The following WNT9B variants were observed in gnomAD, a reference collection of about 807,000 sequenced individuals.
The protein encoded by WNT9B is protein Wnt-9b.
Under a neutral mutation model 30.2 loss-of-function variants are expected in WNT9B, and 12 were observed. The observed-to-expected ratio is 0.40, with a 90% CI of 0.26 to 0.64. WNT9B has a LOEUF of 0.64. Among genes scored for constraint, WNT9B ranks in the 30% least tolerant of loss-of-function variants. The pLI, the probability that WNT9B is intolerant of heterozygous loss-of-function variation, is 0.42. For missense variants in WNT9B, 442 were observed against 485.2 expected (o/e 0.91, Z 0.84); for synonymous variants, 218 against 216.9 (o/e 1.01, Z -0.05).
intron 1 of WNT9B, among the ~76,000 whole-genome samples, chr17:46,861,268 T>G (rs573663417): frequency 6.6e-6 from 1 of 152,344 alleles, no homozygotes; most frequent in South Asian, 2.1e-4. Context: ...TGCTCAGGTC[T>G]TCAATTCACT....
At chr17:46,841,672 G>A (rs2084715399) in intron 1 of WNT9B, among the ~76,000 whole-genome samples, 1 of 152,178 alleles carries the variant, frequency 6.6e-6, no homozygotes, top group Non-Finnish European at 1.5e-5. Context: ...GGGGCTGGCC[G>A]GGAGCAGGAC....
intron 2 of WNT9B, among the ~76,000 whole-genome samples, chr17:46,874,384 A>G (rs1464068173): frequency 6.6e-6 from 1 of 152,156 alleles, no homozygotes; most frequent in Non-Finnish European, 1.5e-5. Flanking sequence ...CCAAATGGTC[A>G]TACACCGACC....
At chr17:46,870,904 C>CTTTTT (rs144277402) in intron 1 of WNT9B, among the ~76,000 whole-genome samples, 68 of 78,344 alleles carry the variant, frequency 8.7e-4, no homozygotes, top group East Asian at 1.4e-3. Flanking sequence ...TCCACCTTTG[C>CTTTTT]TTTTTTTTTT....
At chr17:46,842,611 G>A (rs1328737084) in intron 1 of WNT9B, among the ~76,000 whole-genome samples, 1 of 152,132 alleles carries the variant, frequency 6.6e-6, no homozygotes, top group Non-Finnish European at 1.5e-5. Flanking sequence ...GGGCTCAAGT[G>A]ATCCTCCCAT....
chr17:46,885,711 A>C (rs2085481044), exon 5 of WNT9B: 1 of 152,248 alleles, frequency 6.6e-6, no homozygotes, highest in Admixed American at 6.5e-5. Context: ...CTTGTTCTCC[A>C]TACTGTTTAC....
chr17:46,871,303 C>T (rs2085239820), intron 1 of WNT9B, among the ~76,000 whole-genome samples: 1 of 152,180 alleles, frequency 6.6e-6, no homozygotes, highest in South Asian at 2.1e-4. Flanking sequence ...ATTCCACCCA[C>T]ACTGGGGGCA....
rs190563882 is a variant in WNT9B at position 46,856,478 on chromosome 17, C to T, written c.77+4763C>T. The stretch of plus-strand genomic sequence containing the variant: ...GTTGTTATATACAATGAAATGCATG[C>T]TTTTTCTTTCTTTTTTTTTTTTTTG... On this transcript the variant is annotated intron_variant, in intron 1 of 3. Transcript: ENST00000290015. Among the ~76,000 whole-genome samples, 1,058 of 151,088 alleles carry T rather than the reference C, an allele frequency of 7.0e-3. 8 individuals are homozygous for T. The highest frequency in any genetic ancestry group is 8.0e-3 in the Non-Finnish European group (543 of 67,830).
chr17:46,848,767 G>T (rs567374295), upstream of WNT9B, among the ~76,000 whole-genome samples: 4 of 152,342 alleles, frequency 2.6e-5, no homozygotes, highest in East Asian at 5.8e-4. Flanking sequence ...CTAGGGCTGG[G>T]CTCAATTCCT....
Position 46,875,245 on chromosome 17 carries a change from G to A in WNT9B, c.479G>A (p.Gly160Asp). 1 of 1,614,194 alleles carries A rather than the reference G, an allele frequency of 6.2e-7. No individual in the cohort carries two copies. Reference sequence around the variant, plus strand: ...GAGAGCCGGCAGGCCTGGCAGTGGGGCGTGTGCGGTGACAACCTCAAGTAC... The same window carrying A: ...GAGAGCCGGCAGGCCTGGCAGTGGGACGTGTGCGGTGACAACCTCAAGTAC... ...GLESRQAWQW[G>D]VCGDNLKYST... Residue 160 changes from glycine (G) to aspartate (D), a missense_variant, in exon 3 of 4, where the codon GGC becomes GAC. Physicochemically the swap from Gly to Asp is moderately conservative, Grantham distance 94. Coordinates refer to ENST00000290015, the MANE Select transcript of WNT9B (RefSeq NM_003396.3).
At chr17:46,876,012 A>AC (rs1459308527) in intron 3 of WNT9B, among the ~76,000 whole-genome samples, 2 of 152,114 alleles carry the variant, frequency 1.3e-5, no homozygotes, top group Non-Finnish European at 2.9e-5. Flanking sequence ...GTTGGTGTGA[A>AC]CCGGGGCTGC....
Position 46,851,806 on chromosome 17 carries a change from C to T in WNT9B, c.77+91C>T. 1 of 654,936 alleles carries T rather than the reference C, an allele frequency of 1.5e-6. No homozygotes were observed. Among genetic ancestry groups the T allele is most frequent in the Non-Finnish European group, 2.2e-6 (1 of 459,640 alleles). 40.6% of individuals were successfully genotyped at this position (654,936 alleles called of 1,614,324 possible). A position where few individuals can be genotyped will look rare whatever the true frequency, so the allele number is the denominator to read the frequency against. ...TGGGCCAATTTTTCCCTCCCGCTGT[C>T]CTTGGCCCCGCCGAGGTCTCGAACT... On this transcript the variant is annotated intron_variant, in intron 1 of 3. Coordinates refer to ENST00000290015, the MANE Select transcript of WNT9B (RefSeq NM_003396.3). The surrounding 1 kb of genome is among the most constrained non-coding windows in gnomAD (Gnocchi z 4.3).
chr17:46,882,373 G>A (rs956008584), downstream of WNT9B, among the ~76,000 whole-genome samples: 2 of 152,162 alleles, frequency 1.3e-5, no homozygotes, highest in African/African-American at 2.4e-5. Flanking sequence ...TCGTTTCCTT[G>A]TACTTGGATT....
chr17:46,876,294 G>T lies in WNT9B; in HGVS notation c.650G>T (p.Gly217Val). The T allele has an allele frequency of 6.2e-7, 1 of 1,614,122 alleles. No homozygotes were observed. Among genetic ancestry groups the T allele is most frequent in the Non-Finnish European group, 8.5e-7 (1 of 1,179,992 alleles). Residue 217 changes from glycine (G) to valine (V), a missense_variant, in exon 4 of 4, where the codon GGC becomes GTC. Physicochemically the swap from Gly to Val is moderately radical, Grantham distance 109. Coordinates refer to ENST00000290015, the MANE Select transcript of WNT9B (RefSeq NM_003396.3). ...RTTCKCHGVS[G>V]SCAVRTCWKQ... Reference sequence around the variant, plus strand: ...ACGTGTAAGTGCCATGGCGTATCAGGCTCCTGTGCCGTGCGCACCTGCTGG... The same window carrying T: ...ACGTGTAAGTGCCATGGCGTATCAGTCTCCTGTGCCGTGCGCACCTGCTGG...
At chr17:46,844,922 A>T (rs2084757754) in intron 1 of WNT9B, among the ~76,000 whole-genome samples, 1 of 151,648 alleles carries the variant, frequency 6.6e-6, no homozygotes, top group South Asian at 2.1e-4. Context: ...ATCTCTGCTC[A>T]CTGCAACCTC....
At chr17:46,859,995 G>A (rs1342622448) in intron 1 of WNT9B, among the ~76,000 whole-genome samples, 1 of 152,082 alleles carries the variant, frequency 6.6e-6, no homozygotes, top group Admixed American at 6.6e-5. Flanking sequence ...AAATTGAATT[G>A]GGGCCTGAGA....
At position 46,869,189 on chromosome 17, in the gene WNT9B, G is replaced by A. The variant is rs1055656617; in HGVS notation, c.78-3328G>A. On this transcript the variant is annotated intron_variant, in intron 1 of 3. Transcript: ENST00000290015. ...TGGCTACCTTTCCTGGTCATTAATC[G>A]CTACTAAGTGTCATTACCACTAATA... Among the ~76,000 whole-genome samples, 9 of 152,210 alleles carry A rather than the reference G, an allele frequency of 5.9e-5. No homozygotes were observed. In the South Asian group the frequency reaches 1.0e-3, roughly 18 times the overall value.
At chr17:46,834,132 T>C (rs1229432688) in intron 1 of WNT9B, among the ~76,000 whole-genome samples, 1 of 152,068 alleles carries the variant, frequency 6.6e-6, no homozygotes, top group Non-Finnish European at 1.5e-5. Flanking sequence ...GCATTTGAGG[T>C]TGCAGTGAGC....
At chr17:46,884,346 G>A (rs368389433), downstream of WNT9B, among the ~76,000 whole-genome samples, 64 of 152,228 alleles carry the variant, frequency 4.2e-4, 1 homozygote, top group East Asian at 1.9e-3. Context: ...TCAGAGCTGC[G>A]CAGGTGTTGC....
Position 46,876,580 on chromosome 17 carries a change from CA to C in WNT9B, c.937del (p.Ser313AlafsTer133). ...TGTGCTCCCGGGAGGCCAGCTGCAG[CA>C]GCCTGTGCTGCGGGCGGGGCTATGA... ...RVCSREASCS[S>X]LCCGRGYDTQ... On this transcript the variant is annotated frameshift_variant, in exon 4 of 4. Transcript: ENST00000290015. LOFTEE classifies it high-confidence loss of function. The C allele has an allele frequency of 6.2e-7, 1 of 1,613,622 alleles. No individual in the cohort carries two copies. Among genetic ancestry groups the C allele is most frequent in the Non-Finnish European group, 8.5e-7 (1 of 1,179,984 alleles).
Sources: allele counts gnomAD v4.1 joint callset (sites outside exome capture counted in the v4.1 genomes callset), GRCh38; gene constraint gnomAD v4.1.1; non-coding constraint Gnocchi (gnomAD v3.1); transcripts MANE v1.5; gene names NCBI Gene and HGNC (gene_info 2026-07-23, HGNC 2026-07-21).